The following DRC11 variants were observed in gnomAD, a reference collection of about 807,000 sequenced individuals.
DRC11 encodes dynein regulatory complex subunit 11.
At chr2:236,355,164 C>G in the DRC11 span, among the ~76,000 whole-genome samples, 5 of 152,190 alleles carry the variant, frequency 3.3e-5, no homozygotes, top group African/African-American at 9.6e-5. Flanking sequence ...ATGGCAGAGG[C>G]CTCGTTGGCC....
the DRC11 span, among the ~76,000 whole-genome samples, chr2:236,415,165 C>G: frequency 1.3e-5 from 2 of 151,986 alleles, no homozygotes; most frequent in African/African-American, 4.8e-5. This position sits in a 1 kb window ranked among gnomAD's most constrained non-coding sequence, Gnocchi z 5.7. Context: ...CTAATCCTAT[C>G]TGAATATTTC....
the DRC11 span, among the ~76,000 whole-genome samples, chr2:236,306,911 TAA>T: frequency 6.6e-6 from 1 of 152,152 alleles, no homozygotes; most frequent in Non-Finnish European, 1.5e-5. This position sits in a 1 kb window ranked among gnomAD's most constrained non-coding sequence, Gnocchi z 5.9. Flanking sequence ...TCACAGAGGC[TAA>T]AAGAGGTTAT....
chr2:236,438,612 AT>A, the DRC11 span, among the ~76,000 whole-genome samples: 1 of 151,924 alleles, frequency 6.6e-6, no homozygotes, highest in Non-Finnish European at 1.5e-5. Flanking sequence ...ATCCTCTTTT[AT>A]TTCCTTGAGC....
At chr2:236,492,497 G>A in the DRC11 span, among the ~76,000 whole-genome samples, 21 of 152,170 alleles carry the variant, frequency 1.4e-4, no homozygotes, top group African/African-American at 4.6e-4. Context: ...TACCCAATGA[G>A]GGCTATTTGT....
chr2:236,338,461 T>G, the DRC11 span: 1 of 1,242,596 alleles, frequency 8.0e-7, no homozygotes, highest in Non-Finnish European at 1.1e-6. Context: ...TTAGGATGCA[T>G]TGCAGCATCC....
At chr2:236,484,600 C>CTTTT in the DRC11 span, among the ~76,000 whole-genome samples, 446 of 137,494 alleles carry the variant, frequency 3.2e-3, 3 homozygotes, top group African/African-American at 0.011. Flanking sequence ...ATATTCTTGG[C>CTTTT]TTTTTTTTTT....
chr2:236,318,294 CGCT>C, the DRC11 span, among the ~76,000 whole-genome samples: 1 of 152,304 alleles, frequency 6.6e-6, no homozygotes, highest in South Asian at 2.1e-4. The surrounding 1 kb of genome is among the most constrained non-coding windows in gnomAD (Gnocchi z 7.0). Flanking sequence ...CTCCCTGTTC[CGCT>C]GCTGCTGTCC....
the DRC11 span, among the ~76,000 whole-genome samples, chr2:236,484,512 T>G: frequency 6.6e-6 from 1 of 152,152 alleles, no homozygotes; most frequent in Admixed American, 6.5e-5. Context: ...ATATTTTAAC[T>G]AATTATTTAT....
the DRC11 span, among the ~76,000 whole-genome samples, chr2:236,451,811 G>A: frequency 6.6e-6 from 1 of 152,198 alleles, no homozygotes; most frequent in Non-Finnish European, 1.5e-5. Flanking sequence ...AGCTGCCATT[G>A]ATTAGTTAGC....
the DRC11 span, chr2:236,380,714 T>C: frequency 1.8e-6 from 2 of 1,095,668 alleles, no homozygotes; most frequent in Non-Finnish European, 2.7e-6. This position sits in a 1 kb window ranked among gnomAD's most constrained non-coding sequence, Gnocchi z 4.9. Flanking sequence ...GCTAAGCACG[T>C]TGTTTTCTGG....
chr2:236,339,698 G>A, the DRC11 span, among the ~76,000 whole-genome samples: 1 of 152,154 alleles, frequency 6.6e-6, no homozygotes, highest in Admixed American at 6.6e-5. Context: ...TTGCACCTTT[G>A]TCAAAACGAA....
At chr2:236,312,331 G>A in the DRC11 span, among the ~76,000 whole-genome samples, 3 of 151,192 alleles carry the variant, frequency 2.0e-5, no homozygotes, top group Non-Finnish European at 4.4e-5. Flanking sequence ...TAATTTACAT[G>A]TGTACATCAT....
the DRC11 span, among the ~76,000 whole-genome samples, chr2:236,357,951 AAATATATATAATATATG>A: frequency 8.7e-5 from 10 of 115,282 alleles, no homozygotes; most frequent in African/African-American, 3.6e-4. Flanking sequence ...TATAATATAT[AAATATATATAATATATG>A]AATATATACT....
the DRC11 span, chr2:236,324,806 G>C: frequency 6.5e-7 from 1 of 1,548,842 alleles, no homozygotes; most frequent in African/African-American, 1.4e-5. This position sits in a 1 kb window ranked among gnomAD's most constrained non-coding sequence, Gnocchi z 5.7. Context: ...AGAAGTTTCG[G>C]AAAAGGTCAG....
the DRC11 span, among the ~76,000 whole-genome samples, chr2:236,387,824 T>C: frequency 6.6e-6 from 1 of 152,210 alleles, no homozygotes. Context: ...CCATGTTTAG[T>C]GCTTCCTTCA....
the DRC11 span, among the ~76,000 whole-genome samples, chr2:236,318,519 G>A: frequency 6.6e-6 from 1 of 152,056 alleles, no homozygotes; most frequent in African/African-American, 2.4e-5. This position sits in a 1 kb window ranked among gnomAD's most constrained non-coding sequence, Gnocchi z 7.0. Context: ...GTGTGTTTTT[G>A]GGCCTGTATA....
At chr2:236,310,539 C>A in the DRC11 span, among the ~76,000 whole-genome samples, 1 of 152,218 alleles carries the variant, frequency 6.6e-6, no homozygotes, top group African/African-American at 2.4e-5. This position sits in a 1 kb window ranked among gnomAD's most constrained non-coding sequence, Gnocchi z 5.5. Context: ...AATAAAGACT[C>A]TCTGCATAGA....
the DRC11 span, among the ~76,000 whole-genome samples, chr2:236,474,263 A>T: frequency 6.6e-6 from 1 of 152,194 alleles, no homozygotes; most frequent in African/African-American, 2.4e-5. Flanking sequence ...AACAGACGTT[A>T]TTCTCTTTAT....
At chr2:236,337,378 C>T in the DRC11 span, among the ~76,000 whole-genome samples, 1 of 152,218 alleles carries the variant, frequency 6.6e-6, no homozygotes, top group Admixed American at 6.5e-5. The surrounding 1 kb of genome is among the most constrained non-coding windows in gnomAD (Gnocchi z 4.9). Context: ...CCCACACCAC[C>T]TTCTTCTCTT....
Sources: allele counts gnomAD v4.1 joint callset (sites outside exome capture counted in the v4.1 genomes callset), GRCh38; gene constraint gnomAD v4.1.1; non-coding constraint Gnocchi (gnomAD v3.1); transcripts MANE v1.5; gene names NCBI Gene and HGNC (gene_info 2026-07-23, HGNC 2026-07-21).